Variants in CYRIA observed in about 807,000 individuals in gnomAD.
CYRIA encodes CYFIP related Rac1 interactor A.
Under a neutral mutation model 43.9 loss-of-function variants are expected in CYRIA, and 15 were observed. The observed-to-expected ratio is 0.34, with a 90% CI of 0.23 to 0.53. CYRIA has a LOEUF of 0.53. Among genes scored for constraint, CYRIA ranks in the 20% least tolerant of loss-of-function variants. The pLI is 0.94. For missense variants in CYRIA, 236 were observed against 394.2 expected (o/e 0.60, Z 3.40); for synonymous variants, 117 against 136.0 (o/e 0.86, Z 0.97).
At chr2:16,657,366 T>C in intron 1 of CYRIA, among the ~76,000 whole-genome samples, 1 of 152,148 alleles carries the variant, frequency 6.6e-6, no homozygotes, top group African/African-American at 2.4e-5. Context: ...AACTTAATTA[T>C]AAGCCACACT....
At position 16,551,234 on chromosome 2, in the gene CYRIA, G is replaced by C. The variant is rs1238653431; in HGVS notation, c.*1702C>G. 1 of 152,172 alleles carries C rather than the reference G, an allele frequency of 6.6e-6. No homozygotes were observed. Among genetic ancestry groups the C allele is most frequent in the Admixed American group, 6.5e-5 (1 of 15,274 alleles). The allele number at this position is 152,172 out of a possible 1,614,324, so 9.4% of individuals were successfully genotyped here. On this transcript the variant is annotated 3_prime_UTR_variant, in exon 12 of 12. Transcript: ENST00000381323. ...TATTGGAGGATCCAAGGGAAGATCA[G>C]CTGGTCACTAAAGTCCAGAAAGCAA...
chr2:16,654,306 C>G (rs1049257176), intron 1 of CYRIA, among the ~76,000 whole-genome samples: 1 of 152,176 alleles, frequency 6.6e-6, no homozygotes, highest in African/African-American at 2.4e-5. Context: ...AGAAAACTGT[C>G]TGGCACTTTG....
intron 1 of CYRIA, among the ~76,000 whole-genome samples, chr2:16,638,981 C>T (rs991581893): frequency 1.4e-4 from 21 of 152,220 alleles, no homozygotes; most frequent in East Asian, 5.8e-4. Flanking sequence ...ATTAAGAAAA[C>T]GACAAACTTA....
chr2:16,642,148 T>C (rs958396876), intron 1 of CYRIA, among the ~76,000 whole-genome samples: 2 of 152,142 alleles, frequency 1.3e-5, no homozygotes, highest in African/African-American at 4.8e-5. Context: ...TCATCTCTAT[T>C]TTGATAAATA....
At chr2:16,607,739 G>A (rs1433090395) in intron 2 of CYRIA, among the ~76,000 whole-genome samples, 1 of 152,106 alleles carries the variant, frequency 6.6e-6, no homozygotes, top group Non-Finnish European at 1.5e-5. Context: ...TGGGATTACA[G>A]GTGTGTGCCA....
intron 9 of CYRIA, among the ~76,000 whole-genome samples, chr2:16,560,074 T>C (rs1666673841): frequency 1.3e-5 from 2 of 152,182 alleles, no homozygotes; most frequent in Admixed American, 6.5e-5. Flanking sequence ...TATCATTCAT[T>C]GAGCATCCAA....
chr2:16,558,316 C>A (rs1409523776), intron 10 of CYRIA, among the ~76,000 whole-genome samples: 1 of 152,010 alleles, frequency 6.6e-6, no homozygotes, highest in Non-Finnish European at 1.5e-5. Context: ...GAACTCAGAA[C>A]CTTAAAATAA....
chr2:16,570,305 T>A (rs531446542), intron 3 of CYRIA, among the ~76,000 whole-genome samples: 1 of 152,226 alleles, frequency 6.6e-6, no homozygotes, highest in South Asian at 2.1e-4. Context: ...TTACCTACAG[T>A]CAAATTGGCC....
intron 1 of CYRIA, among the ~76,000 whole-genome samples, chr2:16,645,362 T>G (rs1044677729): frequency 6.6e-6 from 1 of 152,152 alleles, no homozygotes; most frequent in Non-Finnish European, 1.5e-5. Context: ...ACTAGGTACC[T>G]CCCCTCTTTG....
chr2:16,557,920 T>A (rs1486042098), intron 10 of CYRIA, among the ~76,000 whole-genome samples: 1 of 152,180 alleles, frequency 6.6e-6, no homozygotes, highest in Non-Finnish European at 1.5e-5. Context: ...GAGTTATTTA[T>A]ACTCAATCTA....
At chr2:16,570,562 T>G (rs572667960) in intron 3 of CYRIA, among the ~76,000 whole-genome samples, 15 of 152,308 alleles carry the variant, frequency 9.8e-5, no homozygotes, top group African/African-American at 3.4e-4. Context: ...GGTGAACATG[T>G]TTTTGAAATT....
intron 1 of CYRIA, among the ~76,000 whole-genome samples, chr2:16,657,201 A>G (rs1173287049): frequency 6.6e-6 from 1 of 152,236 alleles, no homozygotes; most frequent in Non-Finnish European, 1.5e-5. Context: ...ACCAAAGAAC[A>G]GACCCAAAAT....
At chr2:16,590,703 A>C (rs535764799) in intron 2 of CYRIA, among the ~76,000 whole-genome samples, 1 of 152,166 alleles carries the variant, frequency 6.6e-6, no homozygotes, top group Non-Finnish European at 1.5e-5. Flanking sequence ...ACATCATTCT[A>C]ACATCAACCA....
At chr2:16,638,259 G>A (rs1006259880) in intron 1 of CYRIA, among the ~76,000 whole-genome samples, 10 of 152,184 alleles carry the variant, frequency 6.6e-5, no homozygotes, top group African/African-American at 1.7e-4. Context: ...AACAAGGTAT[G>A]GTACCTCCAT....
At chr2:16,575,025 A>T (rs938647743) in intron 3 of CYRIA, among the ~76,000 whole-genome samples, 3 of 152,148 alleles carry the variant, frequency 2.0e-5, no homozygotes, top group Admixed American at 2.0e-4. Context: ...AGTAGCCAGG[A>T]AGGGTGCTAT....
chr2:16,572,830 C>T (rs1033865800), intron 3 of CYRIA, among the ~76,000 whole-genome samples: 1 of 150,934 alleles, frequency 6.6e-6, no homozygotes, highest in Non-Finnish European at 1.5e-5. Flanking sequence ...CTTCAAGAAA[C>T]ATTTCTTTAG....
At chr2:16,602,664 T>A (rs1362547630) in intron 2 of CYRIA, among the ~76,000 whole-genome samples, 1 of 151,994 alleles carries the variant, frequency 6.6e-6, no homozygotes, top group African/African-American at 2.4e-5. Flanking sequence ...AGAACTGGGG[T>A]CATCTTTTTA....
intron 2 of CYRIA, among the ~76,000 whole-genome samples, chr2:16,614,907 A>T (rs190571665): frequency 1.7e-4 from 26 of 152,310 alleles, no homozygotes; most frequent in African/African-American, 6.3e-4. Context: ...GCCTTTAGAT[A>T]AGGAAACTGC....
intron 2 of CYRIA, among the ~76,000 whole-genome samples, chr2:16,616,888 G>C (rs1487271870): frequency 6.6e-6 from 1 of 152,214 alleles, no homozygotes; most frequent in Non-Finnish European, 1.5e-5. Flanking sequence ...CCTATGAAGA[G>C]GTTTGAAAAC....
Sources: gnomAD v4.1 joint callset for allele counts (sites outside exome capture counted in the v4.1 genomes callset) on GRCh38, gnomAD v4.1.1 for gene constraint, MANE v1.5 for transcripts, NCBI Gene and HGNC (gene_info 2026-07-23, HGNC 2026-07-21) for gene names.